KIF27: variants seen among roughly 807,000 people sequenced by gnomAD.
The protein encoded by KIF27 is kinesin family member 27.
KIF27 carries 84 observed loss-of-function variants against 141.8 expected under a neutral mutation model. The ratio of observed to expected loss-of-function variants is 0.59; its 90% confidence interval spans 0.50 to 0.71. KIF27 has a LOEUF of 0.71. KIF27 is among the 30% of genes least tolerant of loss of function. The pLI, the probability that KIF27 is intolerant of heterozygous loss-of-function variation, is 0.00. For missense variants in KIF27, 1,306 were observed against 1,628.4 expected, an observed-to-expected ratio of 0.80 and a Z score of 3.41; for synonymous variants, 471 against 569.5, an observed-to-expected ratio of 0.83 and a Z score of 2.46.
In KIF27 at chr9:83,836,924, AACTT is replaced by A; in HGVS notation, c.*73_*76del. The A allele has an allele frequency of 2.6e-6, 4 of 1,544,862 alleles. No homozygotes were observed. Among genetic ancestry groups the A allele is most frequent in the Non-Finnish European group, 3.5e-6 (4 of 1,146,804 alleles). ...CTTTATTCTGAGGAAAGAGGTAGTGAACTTGAGCTTTAGTTTTTAACAGGTTAGA... is the reference window on the plus strand; with the variant it reads ...CTTTATTCTGAGGAAAGAGGTAGTGAGAGCTTTAGTTTTTAACAGGTTAGA... On this transcript the variant is annotated 3_prime_UTR_variant, in exon 18 of 18. Transcript: ENST00000297814.
At chr9:83,875,658 A>G (rs551418899) in intron 11 of KIF27, among the ~76,000 whole-genome samples, 1 of 152,274 alleles carries the variant, frequency 6.6e-6, no homozygotes, top group East Asian at 1.9e-4. Context: ...AGCAATCAGG[A>G]AGAGAGGAAA....
At chr9:83,884,283 G>A (rs1484319978) in intron 9 of KIF27, among the ~76,000 whole-genome samples, 1 of 151,972 alleles carries the variant, frequency 6.6e-6, no homozygotes, top group Non-Finnish European at 1.5e-5. Flanking sequence ...TGACATCTCT[G>A]GTCCTCTGAA....
rs1949600065 is a variant in KIF27 at position 83,859,175 on chromosome 9, C to T, written c.3131G>A (p.Gly1044Asp). ...RHNVDEKLKN[G>D]RVLSPEEEHV... ...ACTTACTTCAGGTGATAACACTCTA[C>T]CATTTTTAAGTTTTTCATCCACATT... Residue 1044 changes from glycine to aspartate, a missense_variant, in exon 14 of 18, where the codon GGT becomes GAT. This residue lies in a region of KIF27 where 596 missense variants were observed against 751.6 expected (regional missense o/e 0.79). Transcript: ENST00000297814. 1.2e-6 allele frequency: 2 copies of T among 1,613,136 alleles called. No homozygotes were observed. Among genetic ancestry groups the T allele is most frequent in the South Asian group, 1.1e-5 (1 of 91,076 alleles).
Position 83,891,389 on chromosome 9 carries a change from T to A in KIF27, c.1715A>T (p.Asp572Val), listed in dbSNP as rs1952664621. 2.5e-6 allele frequency: 4 copies of A among 1,613,806 alleles called. No homozygotes were observed. The Admixed American group carries it at 6.7e-5, about 27-fold the overall frequency. Reference protein sequence around the residue: ...SAKENCGDGPDARIPERRPYT... With the variant: ...SAKENCGDGPVARIPERRPYT... ...TGGTCTCCTTTCAGGGATCCTGGCA[T>A]CTGGCCCATCTCCACAATTTTCTTT... The change falls in exon 6 of 18, where the codon GAT (aspartate) becomes GTT (valine). Residue 572 changes from aspartate to valine, a missense_variant. By Grantham distance (152) the Asp-to-Val change is radical. Transcript: ENST00000297814.
In KIF27 at chr9:83,835,413, A is replaced by G; in HGVS notation, c.*1588T>C. The G allele has an allele frequency of 6.6e-6, 1 of 152,124 alleles. No individual in the cohort carries two copies. Among genetic ancestry groups the G allele is most frequent in the East Asian group, 1.9e-4 (1 of 5,204 alleles). 9.4% of individuals were successfully genotyped at this position (152,124 alleles called of 1,614,324 possible). On this transcript the variant is annotated 3_prime_UTR_variant, in exon 18 of 18. Transcript: ENST00000297814. ...TTTGAAATTTAGAAAATAGTATCTC[A>G]TTGGACCAATATTTATAAATTGTTT... is the stretch of plus-strand genomic sequence containing the variant.
intron 17 of KIF27, chr9:83,837,857 C>G (rs1334325800): frequency 5.6e-5 from 10 of 180,148 alleles, no homozygotes; most frequent in Non-Finnish European, 1.2e-4. Context: ...GATGCCAGCA[C>G]TGGATAATAT....
intron 14 of KIF27, among the ~76,000 whole-genome samples, chr9:83,855,443 A>G (rs1444945912): frequency 1.3e-5 from 2 of 152,232 alleles, no homozygotes; most frequent in East Asian, 3.8e-4. Flanking sequence ...TAATTGCTCC[A>G]TAAGGAATAA....
intron 12 of KIF27, 25 bp from the exon 13 acceptor site, chr9:83,867,885 T>TA: frequency 6.4e-7 from 1 of 1,553,708 alleles, no homozygotes. Flanking sequence ...AAAAAAAAGT[T>TA]ACTTGTTTTT....
At chr9:83,870,071 T>C (rs1321893848) in intron 12 of KIF27, among the ~76,000 whole-genome samples, 3 of 152,186 alleles carry the variant, frequency 2.0e-5, no homozygotes, top group African/African-American at 7.2e-5. Context: ...ACTAGAAATT[T>C]TGCATTTGGG....
At chr9:83,909,314 A>G (rs1218439961) in intron 2 of KIF27, among the ~76,000 whole-genome samples, 1 of 152,186 alleles carries the variant, frequency 6.6e-6, no homozygotes, top group African/African-American at 2.4e-5. Context: ...GACATCTGAG[A>G]AAAGACTTGA....
chr9:83,868,628 G>A (rs1950547746), intron 12 of KIF27: 1 of 152,082 alleles, frequency 6.6e-6, no homozygotes, highest in Non-Finnish European at 1.5e-5. Context: ...TCTACCAAGT[G>A]GACATGGTAA....
chr9:83,890,973 C>T (rs990167823), intron 6 of KIF27, among the ~76,000 whole-genome samples: 24 of 152,206 alleles, frequency 1.6e-4, no homozygotes, highest in Middle Eastern at 3.4e-3. Flanking sequence ...AACATCTCAA[C>T]TTTGTGTGGT....
At chr9:83,913,154 GGCCCT>G (rs1955347967) in intron 2 of KIF27, among the ~76,000 whole-genome samples, 1 of 152,006 alleles carries the variant, frequency 6.6e-6, no homozygotes, top group African/African-American at 2.4e-5. Context: ...GACAGACCAA[GGCCCT>G]ATCTGAAAGC....
chr9:83,902,992 C>T, intron 4 of KIF27, 68 bp downstream of exon 4: 1 of 987,832 alleles, frequency 1.0e-6, no homozygotes, highest in East Asian at 2.7e-5. Flanking sequence ...ACATGTACCC[C>T]CAAAATATGT....
At chr9:83,861,186 T>A (rs769512979) in intron 13 of KIF27, among the ~76,000 whole-genome samples, 1 of 151,688 alleles carries the variant, frequency 6.6e-6, no homozygotes, top group Non-Finnish European at 1.5e-5. Context: ...TTTCTTTATA[T>A]ATATATATAT....
intron 6 of KIF27, among the ~76,000 whole-genome samples, chr9:83,889,646 G>A (rs909998831): frequency 1.3e-5 from 2 of 151,312 alleles, no homozygotes; most frequent in African/African-American, 2.4e-5. Context: ...TGGTGCTGCC[G>A]CCAAAGGTCT....
Position 83,908,638 on chromosome 9 carries a change from C to G in KIF27, c.313G>C (p.Gly105Arg). ...GGGHIASVVEGQKGIIPRAIQ... is the reference protein window; with the variant it reads ...GGGHIASVVERQKGIIPRAIQ... Reference sequence around the variant, plus strand: ...GCTCGAGGAATGATACCCTTTTGGCCCTCCACAACTGAAGCTGAAAATTTA... The same window carrying G: ...GCTCGAGGAATGATACCCTTTTGGCGCTCCACAACTGAAGCTGAAAATTTA... The change falls in exon 3 of 18, where the codon GGC becomes CGC. Residue 105 changes from glycine (G) to arginine (R), a missense_variant. Coordinates refer to ENST00000297814, the MANE Select transcript of KIF27 (RefSeq NM_017576.4). 6.3e-7 allele frequency: 1 copy of G among 1,591,310 alleles called. No homozygotes were observed. The highest frequency in any genetic ancestry group is 1.3e-5 in the African/African-American group (1 of 74,380).
At chr9:83,859,577 G>A (rs1412032511) in intron 13 of KIF27, 2 of 525,720 alleles carry the variant, frequency 3.8e-6, no homozygotes, top group Admixed American at 6.5e-5. Context: ...TGTTCCCCAG[G>A]CTAGAGTGCA....
chr9:83,853,182 A>G (rs1948807317), intron 15 of KIF27, among the ~76,000 whole-genome samples: 1 of 152,072 alleles, frequency 6.6e-6, no homozygotes, highest in South Asian at 2.1e-4. Context: ...CCACTGATAC[A>G]CCACTTCATC....
Sources: allele counts gnomAD v4.1 joint callset (sites outside exome capture counted in the v4.1 genomes callset), GRCh38; gene constraint gnomAD v4.1.1; regional missense constraint gnomAD v4.1.1; transcripts MANE v1.5; gene names NCBI Gene and HGNC (gene_info 2026-07-23, HGNC 2026-07-21).